Variants in AKAP19 observed in about 807,000 individuals in gnomAD.
AKAP19 encodes the protein small A-kinase anchoring protein.
At chr2:189,957,760 A>G in the AKAP19 span, among the ~76,000 whole-genome samples, 1 of 152,144 alleles carries the variant, frequency 6.6e-6, no homozygotes, top group Non-Finnish European at 1.5e-5. Context: ...AAAATTAAGA[A>G]CTCTCATTCA....
chr2:190,004,987 A>C, the AKAP19 span, among the ~76,000 whole-genome samples: 1 of 152,182 alleles, frequency 6.6e-6, no homozygotes, highest in Non-Finnish European at 1.5e-5. Context: ...GGACCCTCAC[A>C]GTGAGCATTA....
At chr2:190,110,814 G>A in the AKAP19 span, among the ~76,000 whole-genome samples, 2 of 152,120 alleles carry the variant, frequency 1.3e-5, no homozygotes, top group African/African-American at 4.8e-5. Flanking sequence ...GGCACTTTCC[G>A]ATGCCGTGTT....
the AKAP19 span, among the ~76,000 whole-genome samples, chr2:189,975,406 C>A: frequency 6.6e-6 from 1 of 152,262 alleles, no homozygotes; most frequent in South Asian, 2.1e-4. Flanking sequence ...CTCTGGCTGC[C>A]CTTAACGTTT....
the AKAP19 span, among the ~76,000 whole-genome samples, chr2:190,098,889 C>T: frequency 3.3e-5 from 5 of 152,224 alleles, no homozygotes; most frequent in Non-Finnish European, 7.4e-5. Context: ...GAGACTGCTT[C>T]TTTCCTTAAA....
At chr2:189,959,953 A>G in the AKAP19 span, among the ~76,000 whole-genome samples, 1 of 152,184 alleles carries the variant, frequency 6.6e-6, no homozygotes, top group Non-Finnish European at 1.5e-5. Flanking sequence ...TGTAACATTT[A>G]TGTAGGTTTT....
At chr2:190,200,308 A>G in the AKAP19 span, 1 of 650,974 alleles carries the variant, frequency 1.5e-6, no homozygotes, top group Non-Finnish European at 2.7e-6. Flanking sequence ...AATGCATTTT[A>G]AGTACTTCTA....
the AKAP19 span, among the ~76,000 whole-genome samples, chr2:189,989,388 T>G: frequency 6.6e-6 from 1 of 151,654 alleles, no homozygotes; most frequent in Non-Finnish European, 1.5e-5. Context: ...ATAAATGTAA[T>G]GAACTAAATT....
the AKAP19 span, among the ~76,000 whole-genome samples, chr2:190,050,572 C>G: frequency 6.6e-6 from 1 of 152,066 alleles, no homozygotes; most frequent in East Asian, 1.9e-4. Context: ...ACATTTTTAT[C>G]ATTAGTGAGA....
the AKAP19 span, among the ~76,000 whole-genome samples, chr2:189,915,604 T>C: frequency 6.6e-6 from 1 of 152,158 alleles, no homozygotes; most frequent in Admixed American, 6.5e-5. Flanking sequence ...AACTAATCAT[T>C]TCTTAGAGGG....
At chr2:189,958,492 ATATT>A in the AKAP19 span, among the ~76,000 whole-genome samples, 1 of 146,980 alleles carries the variant, frequency 6.8e-6, no homozygotes, top group South Asian at 2.1e-4. Flanking sequence ...TAATTAAGTA[ATATT>A]TAATTAAATA....
chr2:190,141,843 C>T, the AKAP19 span, among the ~76,000 whole-genome samples: 1 of 152,156 alleles, frequency 6.6e-6, no homozygotes, highest in Non-Finnish European at 1.5e-5. Context: ...AGTTGACTCA[C>T]AAGAGACACA....
chr2:190,195,239 G>C, the AKAP19 span, among the ~76,000 whole-genome samples: 3 of 152,288 alleles, frequency 2.0e-5, no homozygotes, highest in Admixed American at 6.5e-5. Context: ...AGGACATCTT[G>C]CTTGCTTCTA....
At chr2:190,158,523 T>G in the AKAP19 span, among the ~76,000 whole-genome samples, 1 of 152,252 alleles carries the variant, frequency 6.6e-6, no homozygotes, top group Admixed American at 6.5e-5. Flanking sequence ...ATTTATATAC[T>G]TTAAATGAAT....
chr2:190,048,432 G>A, the AKAP19 span, among the ~76,000 whole-genome samples: 1 of 152,098 alleles, frequency 6.6e-6, no homozygotes, highest in Non-Finnish European at 1.5e-5. Context: ...TTAGTTCAAT[G>A]ATGTATATCC....
At chr2:190,133,585 A>G in the AKAP19 span, among the ~76,000 whole-genome samples, 2,027 of 152,330 alleles carry the variant, frequency 0.013, 16 homozygotes, top group Middle Eastern at 0.058. Context: ...ATGTTCATTG[A>G]GCACTGTTCA....
chr2:190,131,702 T>C, the AKAP19 span, among the ~76,000 whole-genome samples: 1 of 152,224 alleles, frequency 6.6e-6, no homozygotes, highest in East Asian at 1.9e-4. Context: ...GGCAGTCTTG[T>C]AGGATCAAAC....
chr2:190,143,179 G>T, the AKAP19 span, among the ~76,000 whole-genome samples: 3 of 147,812 alleles, frequency 2.0e-5, no homozygotes, highest in African/African-American at 7.5e-5. Flanking sequence ...GTTTTTCAGG[G>T]TTTTATCAGC....
At chr2:190,003,337 T>G in the AKAP19 span, among the ~76,000 whole-genome samples, 1 of 152,084 alleles carries the variant, frequency 6.6e-6, no homozygotes, top group Admixed American at 6.5e-5. Context: ...TATCTATTAC[T>G]TATATCATTC....
At chr2:189,881,920 T>TG in the AKAP19 span, among the ~76,000 whole-genome samples, 1 of 152,214 alleles carries the variant, frequency 6.6e-6, no homozygotes, top group Non-Finnish European at 1.5e-5. Context: ...TTATTAAACT[T>TG]GTTCTGACTA....
Sources: allele counts gnomAD v4.1 joint callset (sites outside exome capture counted in the v4.1 genomes callset), GRCh38; gene constraint gnomAD v4.1.1; transcripts MANE v1.5; gene names NCBI Gene and HGNC (gene_info 2026-07-23, HGNC 2026-07-21).